SAP130: variants seen among roughly 807,000 people sequenced by gnomAD.
SAP130 encodes the protein histone deacetylase complex subunit SAP130.
SAP130 carries 16 observed loss-of-function variants against 103.2 expected under a neutral mutation model. The observed-to-expected ratio is 0.16, with a 90% CI of 0.10 to 0.24. SAP130 has a LOEUF of 0.24. Ranked by LOEUF, SAP130 falls within the 10% of genes least tolerant of loss-of-function variation. SAP130 has a pLI of 1.00. For missense variants in SAP130, 990 were observed against 1,359.7 expected, an observed-to-expected ratio of 0.73 and a Z score of 4.28; for synonymous variants, 477 against 497.0, an observed-to-expected ratio of 0.96 and a Z score of 0.53.
At chr2:128,003,260 C>T (rs1004554124) in intron 7 of SAP130, among the ~76,000 whole-genome samples, 3 of 151,766 alleles carry the variant, frequency 2.0e-5, no homozygotes, top group African/African-American at 7.3e-5. Flanking sequence ...TAAGCCCTAG[C>T]ACTTTGGGAG....
chr2:127,974,115 G>A (rs1043610746), intron 15 of SAP130, among the ~76,000 whole-genome samples: 8 of 152,126 alleles, frequency 5.3e-5, no homozygotes, highest in Admixed American at 2.0e-4. Flanking sequence ...GATAGTTAAC[G>A]ATTTTATCAG....
chr2:128,010,695 G>C (rs1684328442), intron 6 of SAP130, among the ~76,000 whole-genome samples: 1 of 151,796 alleles, frequency 6.6e-6, no homozygotes, highest in Non-Finnish European at 1.5e-5. Flanking sequence ...ACCCTGTCTT[G>C]ACTAAAAATA....
intron 15 of SAP130, among the ~76,000 whole-genome samples, chr2:127,965,636 A>C (rs1027977764): frequency 6.6e-6 from 1 of 151,986 alleles, no homozygotes; most frequent in African/African-American, 2.4e-5. Context: ...CTAAAAATAC[A>C]AAAATTAGCT....
rs141765175 is a variant in SAP130 at position 127,991,245 on chromosome 2, G to A, written c.1478-1379C>T. ...AGCCTGGGCAACAGAGTGAAACTCC[G>A]TCTCAAAAAAAAAGAGACAGACCAA... On this transcript the variant is annotated intron_variant, in intron 12 of 20. Coordinates refer to ENST00000643581, the MANE Select transcript of SAP130 (RefSeq NM_001330301.2). Among the ~76,000 whole-genome samples, 23 of 151,730 alleles carry A rather than the reference G, an allele frequency of 1.5e-4. No individual in the cohort carries two copies. The East Asian group carries it at 4.3e-3, about 28-fold the overall frequency.
intron 14 of SAP130, among the ~76,000 whole-genome samples, chr2:127,978,529 T>C (rs1404310089): frequency 2.6e-5 from 4 of 152,240 alleles, no homozygotes; most frequent in Non-Finnish European, 5.9e-5. Context: ...AGATCAATTG[T>C]GCTGTGCAGC....
intron 14 of SAP130, among the ~76,000 whole-genome samples, chr2:127,978,371 A>C (rs1681625120): frequency 6.6e-6 from 1 of 152,070 alleles, no homozygotes; most frequent in African/African-American, 2.4e-5. Context: ...TGACTCTTTT[A>C]GCCGCTGCTT....
Position 127,955,428 on chromosome 2 carries a change from C to A in SAP130, c.2064-84G>T. The A allele has an allele frequency of 2.3e-6, 2 of 871,292 alleles. No homozygotes were observed. Among genetic ancestry groups the A allele is most frequent in the Non-Finnish European group, 3.6e-6 (2 of 555,956 alleles). 54.0% of individuals were successfully genotyped at this position (871,292 alleles called of 1,614,324 possible). ...ACATCTCAGAGGATGAGTATTTGTC[C>A]AATTATTTCTGTCCAGCACACTGCA... On this transcript the variant is annotated intron_variant, in intron 15 of 20. Transcript: ENST00000643581. The surrounding 1 kb of genome is among the most constrained non-coding windows in gnomAD (Gnocchi z 4.9).
chr2:127,948,005 G>A (rs1679226634), intron 18 of SAP130, among the ~76,000 whole-genome samples: 1 of 151,952 alleles, frequency 6.6e-6, no homozygotes, highest in Non-Finnish European at 1.5e-5. Context: ...GGCCAAGCTG[G>A]TCTTGAACTC....
At chr2:128,019,897 T>TG (rs1438146990) in intron 2 of SAP130, among the ~76,000 whole-genome samples, 2 of 151,768 alleles carry the variant, frequency 1.3e-5, no homozygotes, top group East Asian at 3.9e-4. Flanking sequence ...AAAAATTAAG[T>TG]GGAAAAAAAT....
intron 14 of SAP130, among the ~76,000 whole-genome samples, chr2:127,984,790 C>T (rs945677952): frequency 1.3e-4 from 20 of 152,150 alleles, no homozygotes; most frequent in African/African-American, 4.1e-4. Context: ...GTGACCCTAG[C>T]GGACCATCTG....
At chr2:127,983,151 C>G (rs1452528904) in intron 14 of SAP130, among the ~76,000 whole-genome samples, 1 of 152,210 alleles carries the variant, frequency 6.6e-6, no homozygotes, top group Admixed American at 6.5e-5. Flanking sequence ...CATACAGATA[C>G]ACCTGCAAAA....
rs745817066 is a variant in SAP130 at position 127,948,250 on chromosome 2, T to C, written c.2797+1619A>G. 1.5e-4 allele frequency among the ~76,000 whole-genome samples: 23 copies of C among 152,240 alleles called. 1 individual carries two copies. In the Middle Eastern group the frequency reaches 0.01, roughly 68 times the overall value. Reference sequence around the variant, plus strand: ...GACTATTTACATTTATGACAATAACTAGTATGTAAGGCTTAGGTCTGCCAC... The same window carrying C: ...GACTATTTACATTTATGACAATAACCAGTATGTAAGGCTTAGGTCTGCCAC... On this transcript the variant is annotated intron_variant, in intron 18 of 20. Transcript: ENST00000643581.
At chr2:128,024,165 C>A (rs1685340403) in intron 2 of SAP130, among the ~76,000 whole-genome samples, 1 of 152,072 alleles carries the variant, frequency 6.6e-6, no homozygotes, top group African/African-American at 2.4e-5. Context: ...CTAAAGAGAA[C>A]TAAAATAAAT....
intron 18 of SAP130, among the ~76,000 whole-genome samples, chr2:127,946,958 T>C (rs988823511): frequency 2.8e-5 from 4 of 144,498 alleles, no homozygotes; most frequent in Admixed American, 7.2e-5. Flanking sequence ...ATCCAATGAC[T>C]GGTGTCCATA....
rs1031752720 is a variant in SAP130, at chr2:127,955,904, C to T, written c.2064-560G>A. On this transcript the variant is annotated intron_variant, in intron 15 of 20. Coordinates refer to ENST00000643581, the MANE Select transcript of SAP130 (RefSeq NM_001330301.2). This position sits in a 1 kb window ranked among gnomAD's most constrained non-coding sequence, Gnocchi z 4.9. ...TTTTTATAAGCAGTAATAAAATTAA[C>T]TAAGAAAATAACACTTTAAAGAACT... Among the ~76,000 whole-genome samples the T allele has an allele frequency of 3.9e-5, 6 of 152,126 alleles. No individual in the cohort carries two copies. The highest frequency in any genetic ancestry group is 1.2e-4 in the African/African-American group (5 of 41,426).
chr2:127,973,273 C>A (rs932769979), intron 15 of SAP130, among the ~76,000 whole-genome samples: 1 of 152,206 alleles, frequency 6.6e-6, no homozygotes, highest in Non-Finnish European at 1.5e-5. Context: ...GCTCTTGTTG[C>A]CCAGGCTGGA....
chr2:127,988,675 C>CAAAAT (rs1682570394), intron 13 of SAP130, among the ~76,000 whole-genome samples: 2 of 152,024 alleles, frequency 1.3e-5, no homozygotes, highest in African/African-American at 4.8e-5. Flanking sequence ...CATGGCAAAA[C>CAAAAT]TCTGTCTCTA....
rs1559030995 is a variant in SAP130, at chr2:127,949,877, C to T, written c.2789G>A (p.Arg930Gln). ...TTTCTGGGGAAACTAACCTTTGACC[C>T]GGACGTCACTGTACCTCTGAAAGTG... is the stretch of plus-strand genomic sequence containing the variant. The part of the protein sequence containing the change: ...YHHFQRYSDV[R>Q]VKEEKKAMLQ... Residue 930 changes from arginine to glutamine, a missense_variant, in exon 18 of 21, where the codon CGG (arginine) becomes CAG (glutamine). Transcript: ENST00000643581. 6.2e-7 allele frequency: 1 copy of T among 1,614,058 alleles called. No homozygotes were observed. Among genetic ancestry groups the T allele is most frequent in the Non-Finnish European group, 8.5e-7 (1 of 1,179,984 alleles).
intron 15 of SAP130, among the ~76,000 whole-genome samples, chr2:127,962,277 C>T (rs968810392): frequency 1.3e-5 from 2 of 152,172 alleles, no homozygotes. Context: ...AAGCATCATT[C>T]CACATGTTAT....
Sources: allele counts gnomAD v4.1 joint callset (sites outside exome capture counted in the v4.1 genomes callset), GRCh38; gene constraint gnomAD v4.1.1; non-coding constraint Gnocchi (gnomAD v3.1); transcripts MANE v1.5; gene names NCBI Gene and HGNC (gene_info 2026-07-23, HGNC 2026-07-21).